Variants in DLC1 observed in about 807,000 individuals in gnomAD.
DLC1 encodes rho GTPase-activating protein 7.
Under a neutral mutation model 140.3 loss-of-function variants are expected in DLC1, and 54 were observed. The ratio of observed to expected loss-of-function variants is 0.38; its 90% CI spans 0.31 to 0.48. DLC1 has a LOEUF of 0.48. Ranked by LOEUF, DLC1 falls within the 20% of genes least tolerant of loss-of-function variation. DLC1 has a pLI of 0.96. For synonymous variants in DLC1, 986 were observed against 728.1 expected (o/e 1.35, Z -5.70); for missense variants, 2,536 against 1,907.0 (o/e 1.33, Z -6.14).
At chr8:13,360,704 G>T (rs909019807) in intron 4 of DLC1, among the ~76,000 whole-genome samples, 1 of 151,452 alleles carries the variant, frequency 6.6e-6, no homozygotes, top group Non-Finnish European at 1.5e-5. Context: ...GTAATTTTCT[G>T]ATCATACAAG....
At chr8:13,222,152 TAC>T (rs1362332402) in intron 5 of DLC1, among the ~76,000 whole-genome samples, 1 of 151,824 alleles carries the variant, frequency 6.6e-6, no homozygotes, top group Non-Finnish European at 1.5e-5. Flanking sequence ...CAGAATATAT[TAC>T]AGAGAGGTAT....
chr8:13,411,590 T>A (rs1272547894), intron 2 of DLC1, among the ~76,000 whole-genome samples: 1 of 152,186 alleles, frequency 6.6e-6, no homozygotes, highest in Non-Finnish European at 1.5e-5. Context: ...TTGTTACAAA[T>A]GTACTACTTT....
chr8:13,352,668 T>G, intron 4 of DLC1, among the ~76,000 whole-genome samples: 1 of 152,168 alleles, frequency 6.6e-6, no homozygotes, highest in East Asian at 1.9e-4. Context: ...AGGGGGCTAC[T>G]TAGACTCCTG....
intron 8 of DLC1, 136 bp downstream of exon 8, chr8:13,102,654 G>T (rs1291930323): frequency 1.3e-6 from 1 of 763,378 alleles, no homozygotes; most frequent in East Asian, 2.5e-5. Context: ...AAGTCTAGGC[G>T]ATATCATTCA....
intron 5 of DLC1, among the ~76,000 whole-genome samples, chr8:13,282,789 G>A (rs577829160): frequency 2.0e-5 from 3 of 152,210 alleles, no homozygotes; most frequent in Admixed American, 2.0e-4. Context: ...TTAAAATTGT[G>A]GTTATTGCAA....
intron 1 of DLC1, among the ~76,000 whole-genome samples, chr8:13,506,581 GTATATATA>G (rs36209609): frequency 0.47 from 61,365 of 131,052 alleles, 15,149 homozygotes; most frequent in Non-Finnish European, 0.51. Context: ...GTGTGTGTGT[GTATATATA>G]TATATATATA....
chr8:13,395,026 CT>C (rs1836962875), intron 3 of DLC1, among the ~76,000 whole-genome samples: 1 of 88,220 alleles, frequency 1.1e-5, no homozygotes, highest in Non-Finnish European at 2.1e-5. Flanking sequence ...ATCTATCTAT[CT>C]ATCTATCATC....
At chr8:13,463,729 A>AAAG (rs1799790036) in intron 2 of DLC1, among the ~76,000 whole-genome samples, 1 of 152,208 alleles carries the variant, frequency 6.6e-6, no homozygotes, top group African/African-American at 2.4e-5. Flanking sequence ...TCTGATGAGG[A>AAAG]AACAGGAACC....
intron 4 of DLC1, among the ~76,000 whole-genome samples, chr8:13,356,819 G>A (rs550723350): frequency 5.9e-5 from 9 of 151,690 alleles, no homozygotes; most frequent in African/African-American, 2.2e-4. Context: ...TCTATTCCTG[G>A]ACCACACTTC....
chr8:13,219,443 A>T (rs1049386600), intron 5 of DLC1, among the ~76,000 whole-genome samples: 3 of 147,382 alleles, frequency 2.0e-5, no homozygotes, highest in Non-Finnish European at 4.5e-5. Context: ...TATAATTTAT[A>T]AAATATATAA....
chr8:13,149,555 T>C (rs1336644426), intron 5 of DLC1, among the ~76,000 whole-genome samples: 1 of 152,208 alleles, frequency 6.6e-6, no homozygotes, highest in African/African-American at 2.4e-5. Context: ...TAAAATCTGA[T>C]TAGGGTCCTT....
At chr8:13,559,983 A>G (rs1180974857) in intron 1 of DLC1, among the ~76,000 whole-genome samples, 1 of 152,230 alleles carries the variant, frequency 6.6e-6, no homozygotes, top group East Asian at 1.9e-4. Flanking sequence ...AATGTAAATA[A>G]GGCAGCTATC....
Position 13,567,218 on chromosome 8 carries a change from A to G in DLC1, c.-126+37319T>C, listed in dbSNP as rs147132901. The G allele has an allele frequency of 5.3e-3, 8,207 of 1,551,658 alleles. 26 individuals carry two copies. The highest frequency in any genetic ancestry group is 0.012 in the Middle Eastern group (74 of 5,990). On this transcript the variant is annotated intron_variant, in intron 1 of 1. Transcript: ENST00000631382. ...GACACACAATCTGAGCTTTTGGACT[A>G]TAAAAATTATGAAAAGAAGTTGAGT... is the stretch of plus-strand genomic sequence containing the variant.
chr8:13,598,379 A>G lies in DLC1; in HGVS notation c.-126+6158T>C, dbSNP rs112850667. On this transcript the variant is annotated intron_variant, in intron 1 of 1. Transcript: ENST00000631382. ...GTCTCTACCTGTCTCTGTGGGGACC[A>G]CTTAGACAAAAGCTGAGGCTTTGTC... is the stretch of plus-strand genomic sequence containing the variant. Among the ~76,000 whole-genome samples the G allele has an allele frequency of 2.0e-5, 3 of 152,080 alleles. No individual in the cohort carries two copies. In the East Asian group the frequency reaches 5.8e-4, roughly 29 times the overall value.
At chr8:13,571,930 C>T (rs1303460240) in intron 1 of DLC1, among the ~76,000 whole-genome samples, 3 of 152,074 alleles carry the variant, frequency 2.0e-5, no homozygotes, top group Admixed American at 6.5e-5. Flanking sequence ...TCTCATTGTA[C>T]TTTGACTTAT....
At chr8:13,164,314 A>ATC (rs1554456651) in intron 5 of DLC1, among the ~76,000 whole-genome samples, 107 of 148,834 alleles carry the variant, frequency 7.2e-4, no homozygotes, top group African/African-American at 1.6e-3. Context: ...AAAAATCTCT[A>ATC]TATCTATCTA....
intron 5 of DLC1, among the ~76,000 whole-genome samples, chr8:13,124,950 A>G (rs1451718497): frequency 6.6e-6 from 1 of 152,090 alleles, no homozygotes; most frequent in Non-Finnish European, 1.5e-5. Context: ...TTTATTTTAA[A>G]AGCTAACATT....
chr8:13,187,183 A>G (rs926465656), intron 5 of DLC1, among the ~76,000 whole-genome samples: 10 of 151,992 alleles, frequency 6.6e-5, no homozygotes, highest in African/African-American at 2.4e-4. Flanking sequence ...TTACCTTCCA[A>G]TGTAAGAATC....
At chr8:13,276,750 A>T in intron 5 of DLC1, 1 of 288,110 alleles carries the variant, frequency 3.5e-6, no homozygotes, top group African/African-American at 2.3e-5. Flanking sequence ...CTTCAGGGGC[A>T]GTCCAGGTGA....
Sources: allele counts gnomAD v4.1 joint callset (sites outside exome capture counted in the v4.1 genomes callset), GRCh38; gene constraint gnomAD v4.1.1; transcripts MANE v1.5; gene names NCBI Gene and HGNC (gene_info 2026-07-23, HGNC 2026-07-21).